Variants in PPTC7 observed in about 807,000 individuals in gnomAD.
PPTC7 encodes the protein protein phosphatase targeting COQ7.
PPTC7 carries 6 observed loss-of-function variants against 30.8 expected under a neutral mutation model. The ratio of observed to expected loss-of-function variants is 0.19; its 90% CI spans 0.11 to 0.38. The LOEUF is 0.38. Ranked by LOEUF, PPTC7 falls within the 10% of genes least tolerant of loss-of-function variation. The pLI, the probability that PPTC7 is intolerant of heterozygous loss-of-function variation, is 1.00. For synonymous variants in PPTC7, 163 were observed against 168.1 expected (o/e 0.97, Z 0.23); for missense variants, 218 against 404.8 (o/e 0.54, Z 3.96).
chr12:110,543,635 C>CTTTG (rs766997172), intron 3 of PPTC7, among the ~76,000 whole-genome samples: 21 of 152,110 alleles, frequency 1.4e-4, no homozygotes, highest in Non-Finnish European at 2.9e-4. Flanking sequence ...CAGAAGTGTC[C>CTTTG]TTTGCTATTC....
chr12:110,545,917 C>G lies in PPTC7; in HGVS notation c.565G>C (p.Ala189Pro). 6.2e-7 allele frequency: 1 copy of G among 1,613,856 alleles called. No individual in the cohort carries two copies. Among genetic ancestry groups the G allele is most frequent in the Non-Finnish European group, 8.5e-7 (1 of 1,180,010 alleles). ...ACGACTCCCTCGGCTTCAGGGGGAGCGATTGAGAGCTGGAATGGAGTGTTG... is the reference window on the plus strand; with the variant it reads ...ACGACTCCCTCGGCTTCAGGGGGAGGGATTGAGAGCTGGAATGGAGTGTTG... ...YFNTPFQLSI[A>P]PPEAEGVVLS... Residue 189 changes from alanine to proline, a missense_variant, in exon 3 of 6, where the codon GCT (alanine) becomes CCT (proline). Coordinates refer to ENST00000354300, the MANE Select transcript of PPTC7 (RefSeq NM_139283.2).
intron 1 of PPTC7, among the ~76,000 whole-genome samples, chr12:110,579,995 AAGAG>A (rs2064623481): frequency 6.6e-6 from 1 of 151,962 alleles, no homozygotes; most frequent in African/African-American, 2.4e-5. Context: ...CCTGGGCAAC[AAGAG>A]CGAAACTCCA....
At chr12:110,561,655 G>A (rs1031957145) in intron 1 of PPTC7, among the ~76,000 whole-genome samples, 3 of 152,048 alleles carry the variant, frequency 2.0e-5, no homozygotes, top group African/African-American at 4.8e-5. Flanking sequence ...TCAACTATTT[G>A]GGCACTTAAG....
chr12:110,577,857 G>A (rs1283908767), intron 1 of PPTC7, among the ~76,000 whole-genome samples: 1 of 152,120 alleles, frequency 6.6e-6, no homozygotes, highest in Non-Finnish European at 1.5e-5. Flanking sequence ...AGCATGCAGA[G>A]GAGTTTTTGT....
intron 1 of PPTC7, among the ~76,000 whole-genome samples, chr12:110,568,395 G>C (rs1386316394): frequency 1.3e-5 from 2 of 152,046 alleles, no homozygotes; most frequent in African/African-American, 4.8e-5. Context: ...TGGGACTACA[G>C]GCGCCTGCCA....
At chr12:110,549,124 A>T (rs2064333001) in intron 2 of PPTC7, among the ~76,000 whole-genome samples, 1 of 152,322 alleles carries the variant, frequency 6.6e-6, no homozygotes, top group South Asian at 2.1e-4. Context: ...AACTACTACT[A>T]AGCCTTTTGT....
At chr12:110,538,515 A>C (rs1310596744) in intron 4 of PPTC7, among the ~76,000 whole-genome samples, 1 of 152,132 alleles carries the variant, frequency 6.6e-6, no homozygotes, top group Non-Finnish European at 1.5e-5. Context: ...TCCCATTTGA[A>C]ATTCTTAAGG....
At chr12:110,557,605 C>A (rs1257902173) in intron 1 of PPTC7, among the ~76,000 whole-genome samples, 2 of 152,252 alleles carry the variant, frequency 1.3e-5, no homozygotes, top group Non-Finnish European at 2.9e-5. Flanking sequence ...TAGGCATACT[C>A]AAGAGGTTAA....
At position 110,583,216 on chromosome 12, in the gene PPTC7, G is replaced by A; in HGVS notation, c.-185C>T. 1 of 211,254 alleles carries A rather than the reference G, an allele frequency of 4.7e-6. No individual in the cohort carries two copies. Among genetic ancestry groups the A allele is most frequent in the Non-Finnish European group, 8.9e-6 (1 of 112,882 alleles). The allele number at this position is 211,254 out of a possible 1,614,324, so 13.1% of individuals were successfully genotyped here. ...TCGCACGCGCTCAGCCGCGCGCACCGGAGCCAGAGCGAGGTCAGAAGCGGC... is the reference window on the plus strand; with the variant it reads ...TCGCACGCGCTCAGCCGCGCGCACCAGAGCCAGAGCGAGGTCAGAAGCGGC... On this transcript the variant is annotated 5_prime_UTR_variant, in exon 1 of 6. Coordinates refer to ENST00000354300, the MANE Select transcript of PPTC7 (RefSeq NM_139283.2).
chr12:110,559,926 C>A (rs1292357995), intron 1 of PPTC7, among the ~76,000 whole-genome samples: 2 of 151,850 alleles, frequency 1.3e-5, no homozygotes, highest in African/African-American at 4.8e-5. Context: ...TGGGTCCTCG[C>A]CATGTTGCCC....
chr12:110,579,562 A>C (rs774430182), intron 1 of PPTC7, among the ~76,000 whole-genome samples: 1 of 152,154 alleles, frequency 6.6e-6, no homozygotes, highest in Non-Finnish European at 1.5e-5. Context: ...GCAAAATTTT[A>C]TCTCTGTGCA....
chr12:110,582,159 T>C (rs535042807), intron 1 of PPTC7, among the ~76,000 whole-genome samples: 6 of 152,302 alleles, frequency 3.9e-5, no homozygotes, highest in Non-Finnish European at 5.9e-5. Flanking sequence ...GACCATTCTA[T>C]TTTGGATCAA....
chr12:110,564,664 C>CT (rs201858424), intron 1 of PPTC7, among the ~76,000 whole-genome samples: 13 of 151,422 alleles, frequency 8.6e-5, no homozygotes, highest in Middle Eastern at 3.4e-3. Flanking sequence ...ACAAATGTAA[C>CT]TTTTTTTTTC....
chr12:110,535,433 A>C lies in PPTC7; in HGVS notation c.*1604T>G, dbSNP rs1346856678. ...TATAGTAATGACATGTACATGGTACATGTTAAACAATTTTAAATAAAAGCC... is the reference window on the plus strand; with the variant it reads ...TATAGTAATGACATGTACATGGTACCTGTTAAACAATTTTAAATAAAAGCC... On this transcript the variant is annotated 3_prime_UTR_variant, in exon 6 of 6. Transcript: ENST00000354300. 6.5e-6 allele frequency: 1 copy of C among 152,672 alleles called. No individual in the cohort carries two copies. Among genetic ancestry groups the C allele is most frequent in the African/African-American group, 2.4e-5 (1 of 41,464 alleles). 9.5% of individuals were successfully genotyped at this position (152,672 alleles called of 1,614,324 possible).
In PPTC7 at chr12:110,545,843, G is replaced by A. The variant is rs115663380; in HGVS notation, c.602+37C>T. ...CAGGAGGGGACTATGAATGAGCCAC[G>A]TCCTGCTCACACTTAATGGCTGAGA... On this transcript the variant is annotated intron_variant, in intron 3 of 5. Transcript: ENST00000354300. 1,943 of 1,595,620 alleles carry A rather than the reference G, an allele frequency of 1.2e-3. 31 individuals are homozygous for A. In the African/African-American group the frequency reaches 0.022, roughly 18 times the overall value.
At chr12:110,571,915 A>T (rs1415832871) in intron 1 of PPTC7, among the ~76,000 whole-genome samples, 1 of 152,240 alleles carries the variant, frequency 6.6e-6, no homozygotes, top group Non-Finnish European at 1.5e-5. Context: ...TAATGGTTCC[A>T]TCACCAATTA....
chr12:110,549,730 C>T (rs912796468), intron 2 of PPTC7, among the ~76,000 whole-genome samples: 14 of 152,208 alleles, frequency 9.2e-5, no homozygotes, highest in African/African-American at 3.4e-4. Flanking sequence ...ACAGCAAAAA[C>T]CAAAGCTTCT....
intron 3 of PPTC7, among the ~76,000 whole-genome samples, chr12:110,540,852 T>C (rs997274661): frequency 1.3e-5 from 2 of 151,426 alleles, no homozygotes; most frequent in Admixed American, 6.6e-5. Flanking sequence ...CTCGGCTCAC[T>C]GCGAGCTCCG....
chr12:110,538,405 G>C (rs1371791816), intron 4 of PPTC7, 132 bp from the exon 5 acceptor site: 6 of 803,822 alleles, frequency 7.5e-6, no homozygotes, highest in African/African-American at 1.7e-5. Context: ...TGGCTAATAT[G>C]AACAAGACTC....
Sources: gnomAD v4.1 joint callset for allele counts (sites outside exome capture counted in the v4.1 genomes callset) on GRCh38, gnomAD v4.1.1 for gene constraint, MANE v1.5 for transcripts, NCBI Gene and HGNC (gene_info 2026-07-23, HGNC 2026-07-21) for gene names.